The following PPP2R2B variants were observed in gnomAD, a reference collection of about 807,000 sequenced individuals.
The protein encoded by PPP2R2B is protein phosphatase 2 regulatory subunit Bbeta.
Under a neutral mutation model 46.0 loss-of-function variants are expected in PPP2R2B, and 5 were observed. The ratio of observed to expected loss-of-function variants is 0.11; its 90% confidence interval spans 0.06 to 0.23. PPP2R2B has a LOEUF of 0.23. Among genes scored for constraint, PPP2R2B ranks in the 10% least tolerant of loss-of-function variants. PPP2R2B has a pLI of 1.00. For missense variants in PPP2R2B, 367 were observed against 575.0 expected (o/e 0.64, Z 3.70); for synonymous variants, 215 against 206.7 (o/e 1.04, Z -0.34).
intron 2 of PPP2R2B, among the ~76,000 whole-genome samples, chr5:146,719,350 A>G (rs1198861753): frequency 6.6e-6 from 1 of 152,272 alleles, no homozygotes; most frequent in Non-Finnish European, 1.5e-5. Context: ...TAGAAGTAAC[A>G]TAATGAATGG....
At chr5:146,681,188 G>A (rs1324037556) in intron 5 of PPP2R2B, among the ~76,000 whole-genome samples, 1 of 152,172 alleles carries the variant, frequency 6.6e-6, no homozygotes, top group African/African-American at 2.4e-5. Context: ...TGCATAATGA[G>A]CAGAGGCCCT....
Position 147,010,772 on chromosome 5 carries a change from C to A in PPP2R2B, c.79+44893G>T, listed in dbSNP as rs559054120. Among the ~76,000 whole-genome samples, 4 of 152,098 alleles carry A rather than the reference C, an allele frequency of 2.6e-5. No homozygotes were observed. The South Asian group carries it at 6.2e-4, about 24-fold the overall frequency. ...TAATCTGTGGCCTGGGAGTTGGGGA[C>A]CCTGATCTAGACTCCTCTATGTGTC... On this transcript the variant is annotated intron_variant, in intron 1 of 8. Transcript: ENST00000336640.
Position 146,667,332 on chromosome 5 carries a change from G to GCGCACACA in PPP2R2B, c.448-16609_448-16608insTGTGTGCG, listed in dbSNP as rs1239646840. ...AGACAGCAGGAATAGGCGTGCGCGC[G>GCGCACACA]CACACACACACACACACACACACAC... On this transcript the variant is annotated intron_variant, in intron 5 of 9. Coordinates refer to ENST00000394411, the MANE Select transcript of PPP2R2B (RefSeq NM_181675.4). Among the ~76,000 whole-genome samples the GCGCACACA allele has an allele frequency of 3.8e-3, 122 of 32,038 alleles. 1 individual carries two copies. The highest frequency in any genetic ancestry group is 0.011 in the African/African-American group (117 of 10,788). The allele number at this position is 32,038 out of a possible 152,430, so 21.0% of individuals were successfully genotyped here.
intron 1 of PPP2R2B, among the ~76,000 whole-genome samples, chr5:146,989,626 A>T (rs1406823531): frequency 1.3e-5 from 2 of 152,084 alleles, no homozygotes; most frequent in Non-Finnish European, 2.9e-5. Flanking sequence ...ACATGACAAA[A>T]CCAGAGCTAA....
At chr5:146,938,167 G>A (rs1466291758) in intron 1 of PPP2R2B, among the ~76,000 whole-genome samples, 2 of 152,074 alleles carry the variant, frequency 1.3e-5, no homozygotes, top group Admixed American at 6.6e-5. Context: ...TAAACTTGAA[G>A]TGCTATCAAA....
rs1770008145 is a variant in PPP2R2B at position 146,583,778 on chromosome 5, A to G, written c.*6169T>C. On this transcript the variant is annotated 3_prime_UTR_variant, in exon 10 of 10. Transcript: ENST00000394411. ...CCAAAATGTTGCTTTTCCTTTTACC[A>G]CTGAGGAAAGCCCCTGTTCCCTTCT... The G allele has an allele frequency of 6.6e-6, 1 of 152,064 alleles. No homozygotes were observed. Among genetic ancestry groups the G allele is most frequent in the Admixed American group, 6.6e-5 (1 of 15,252 alleles). The allele number at this position is 152,064 out of a possible 1,614,324, so 9.4% of individuals were successfully genotyped here.
At chr5:146,985,966 G>C (rs1228254382) in intron 1 of PPP2R2B, among the ~76,000 whole-genome samples, 1 of 152,142 alleles carries the variant, frequency 6.6e-6, no homozygotes, top group Non-Finnish European at 1.5e-5. Context: ...GGTAGAGCAA[G>C]ATGGCATAAT....
chr5:146,677,357 AG>A (rs1777798920), intron 5 of PPP2R2B, among the ~76,000 whole-genome samples: 1 of 152,178 alleles, frequency 6.6e-6, no homozygotes, highest in Non-Finnish European at 1.5e-5. Flanking sequence ...GAACTCAGGC[AG>A]TTTCTAAATA....
chr5:146,917,796 A>G (rs574393028), intron 1 of PPP2R2B: 1 of 152,332 alleles, frequency 6.6e-6, no homozygotes, highest in East Asian at 1.9e-4. Flanking sequence ...TAATGAACTT[A>G]GAAATGATAC....
chr5:146,828,817 A>G (rs1282372844), intron 2 of PPP2R2B, among the ~76,000 whole-genome samples: 1 of 152,216 alleles, frequency 6.6e-6, no homozygotes, highest in Non-Finnish European at 1.5e-5. Flanking sequence ...TGATGTTCAA[A>G]TAACTCCTTA....
At chr5:146,962,249 C>T (rs1404856656) in intron 1 of PPP2R2B, among the ~76,000 whole-genome samples, 2 of 150,838 alleles carry the variant, frequency 1.3e-5, no homozygotes, top group African/African-American at 2.4e-5. Flanking sequence ...GCCAACTCTT[C>T]CCATTCCCTC....
At chr5:147,054,889 A>G (rs1336491251) in intron 1 of PPP2R2B, among the ~76,000 whole-genome samples, 1 of 152,218 alleles carries the variant, frequency 6.6e-6, no homozygotes, top group Non-Finnish European at 1.5e-5. Context: ...CAGGCACATC[A>G]CATATAGAAG....
chr5:146,815,306 C>T (rs909657985), intron 2 of PPP2R2B, among the ~76,000 whole-genome samples: 10 of 152,170 alleles, frequency 6.6e-5, no homozygotes, highest in African/African-American at 2.4e-4. Flanking sequence ...ATTACAAAAC[C>T]CGGATTTCCT....
chr5:146,897,637 A>G (rs1028940013), intron 1 of PPP2R2B, among the ~76,000 whole-genome samples: 1 of 152,152 alleles, frequency 6.6e-6, no homozygotes, highest in African/African-American at 2.4e-5. Flanking sequence ...GAGGGGAAAA[A>G]AGAACAAGAT....
intron 7 of PPP2R2B, chr5:146,607,204 C>A (rs1051966951): frequency 6.6e-6 from 1 of 152,136 alleles, no homozygotes; most frequent in Non-Finnish European, 1.5e-5. Context: ...AAACGGCCAA[C>A]AATTTTCCCA....
At chr5:146,924,270 C>T (rs973615425) in intron 1 of PPP2R2B, among the ~76,000 whole-genome samples, 5 of 152,222 alleles carry the variant, frequency 3.3e-5, no homozygotes, top group Admixed American at 6.5e-5. Flanking sequence ...ATGTTCTTCT[C>T]TGACACCCCT....
chr5:146,673,426 T>A (rs1188734939), intron 5 of PPP2R2B, among the ~76,000 whole-genome samples: 2 of 152,160 alleles, frequency 1.3e-5, no homozygotes, highest in Non-Finnish European at 2.9e-5. Context: ...GGAGAAAATA[T>A]CAACAGAACT....
chr5:146,799,543 A>T (rs1229093980), intron 2 of PPP2R2B, among the ~76,000 whole-genome samples: 4 of 152,196 alleles, frequency 2.6e-5, no homozygotes, highest in Non-Finnish European at 5.9e-5. Flanking sequence ...ATCTAGCCTG[A>T]GACAACACAT....
chr5:146,650,341 C>A (rs1413134266), intron 6 of PPP2R2B, among the ~76,000 whole-genome samples: 1 of 152,142 alleles, frequency 6.6e-6, no homozygotes, highest in Non-Finnish European at 1.5e-5. Flanking sequence ...CCAGAGCTAG[C>A]CCTGGCCTCC....
Sources: gnomAD v4.1 joint callset for allele counts (sites outside exome capture counted in the v4.1 genomes callset) on GRCh38, gnomAD v4.1.1 for gene constraint, MANE v1.5 for transcripts, NCBI Gene and HGNC (gene_info 2026-07-23, HGNC 2026-07-21) for gene names.